Variants in NTNG1 observed in about 807,000 individuals in gnomAD.
NTNG1 encodes the protein netrin-G1.
In NTNG1, 16 loss-of-function variants were observed where a neutral mutation model predicts 54.0. The ratio of observed to expected loss-of-function variants is 0.30; its 90% CI spans 0.20 to 0.45. The LOEUF is 0.45. Ranked by LOEUF, NTNG1 falls within the 20% of genes least tolerant of loss-of-function variation. The pLI is 1.00. For missense variants in NTNG1, 530 were observed against 678.7 expected (o/e 0.78, Z 2.43); for synonymous variants, 255 against 263.1 (o/e 0.97, Z 0.30).
At chr1:107,249,172 A>AATAATG (rs1662406029) in intron 2 of NTNG1, among the ~76,000 whole-genome samples, 1 of 149,376 alleles carries the variant, frequency 6.7e-6, no homozygotes, top group Non-Finnish European at 1.5e-5. Context: ...TAATAATAAT[A>AATAATG]ATAATAATAA....
rs141546217 is a variant in NTNG1, at chr1:107,196,244, C to G, written c.246+47405C>G. The stretch of plus-strand genomic sequence containing the variant: ...CAGATGGACTTATGTTTAAACATAC[C>G]TCTTTTGACTACCAGCTCTTGATCT... On this transcript the variant is annotated intron_variant, in intron 2 of 7. Coordinates refer to ENST00000370068, the MANE Select transcript of NTNG1 (RefSeq NM_001113226.3). 7.1e-3 allele frequency among the ~76,000 whole-genome samples: 1,081 copies of G among 152,050 alleles called. 10 individuals carry two copies. Among genetic ancestry groups the G allele is most frequent in the African/African-American group, 0.024 (1,010 of 41,520 alleles).
At chr1:107,438,602 T>C (rs1675757227) in intron 7 of NTNG1, among the ~76,000 whole-genome samples, 1 of 152,046 alleles carries the variant, frequency 6.6e-6, no homozygotes, top group Admixed American at 6.6e-5. Flanking sequence ...AAGGAGACTT[T>C]GTAATTAAGA....
chr1:107,210,258 C>T (rs1401283238), intron 2 of NTNG1, among the ~76,000 whole-genome samples: 1 of 152,152 alleles, frequency 6.6e-6, no homozygotes, highest in Non-Finnish European at 1.5e-5. Flanking sequence ...AACTTTTTTA[C>T]TCAAGTTCAT....
At chr1:107,428,764 T>C (rs613615) in intron 5 of NTNG1, among the ~76,000 whole-genome samples, 144,187 of 152,148 alleles carry the variant, frequency 0.95, 68,694 homozygotes, top group East Asian at 1. Flanking sequence ...CTCTAGAAGC[T>C]TTTCTGACTC....
At chr1:107,392,495 C>G (rs962155399) in intron 3 of NTNG1, among the ~76,000 whole-genome samples, 1 of 151,902 alleles carries the variant, frequency 6.6e-6, no homozygotes, top group African/African-American at 2.4e-5. Context: ...TTCCTGAAAA[C>G]GAGCTTGGGT....
intron 3 of NTNG1, among the ~76,000 whole-genome samples, chr1:107,326,937 G>A (rs1667991201): frequency 6.6e-6 from 1 of 152,128 alleles, no homozygotes; most frequent in Non-Finnish European, 1.5e-5. Flanking sequence ...CCTAAAGGTG[G>A]TGTGTTGGAA....
chr1:107,473,526 C>A (rs986250781), intron 7 of NTNG1, among the ~76,000 whole-genome samples: 1 of 152,110 alleles, frequency 6.6e-6, no homozygotes, highest in Admixed American at 6.5e-5. Flanking sequence ...TCTCGTAAGT[C>A]ACATTTGACA....
chr1:107,198,498 A>T (rs1194756357), intron 2 of NTNG1, among the ~76,000 whole-genome samples: 1 of 151,982 alleles, frequency 6.6e-6, no homozygotes, highest in African/African-American at 2.4e-5. Flanking sequence ...ACAGGAAATC[A>T]AAGATTTTAA....
intron 2 of NTNG1, among the ~76,000 whole-genome samples, chr1:107,168,715 T>C (rs1655996448): frequency 6.6e-6 from 1 of 152,146 alleles, no homozygotes; most frequent in Non-Finnish European, 1.5e-5. Flanking sequence ...GGCTCAATCC[T>C]CCAAACTCAG....
chr1:107,170,067 T>G (rs1269280675), intron 2 of NTNG1, among the ~76,000 whole-genome samples: 3 of 152,154 alleles, frequency 2.0e-5, no homozygotes, highest in African/African-American at 7.2e-5. Context: ...CAACTGATTA[T>G]GGACTTAAAT....
intron 2 of NTNG1, among the ~76,000 whole-genome samples, chr1:107,205,356 A>G (rs1183459712): frequency 6.6e-6 from 1 of 152,146 alleles, no homozygotes; most frequent in Non-Finnish European, 1.5e-5. Context: ...GATGGGTCCA[A>G]GAAAAGTCAG....
chr1:107,164,864 G>A (rs375444150), intron 2 of NTNG1, among the ~76,000 whole-genome samples: 7 of 152,162 alleles, frequency 4.6e-5, no homozygotes, highest in African/African-American at 1.4e-4. Flanking sequence ...TGCAACTTGC[G>A]ACTGAATAAT....
intron 7 of NTNG1, among the ~76,000 whole-genome samples, chr1:107,477,640 T>C (rs1362460011): frequency 6.6e-6 from 1 of 152,248 alleles, no homozygotes; most frequent in Non-Finnish European, 1.5e-5. Flanking sequence ...CAATCTCTTT[T>C]TTATAATCTC....
chr1:107,281,083 C>G (rs1664828219), intron 2 of NTNG1, among the ~76,000 whole-genome samples: 1 of 152,074 alleles, frequency 6.6e-6, no homozygotes, highest in South Asian at 2.1e-4. Context: ...AACCTTCTTA[C>G]CTTCTCAACA....
chr1:107,214,859 G>C (rs1413202353), intron 2 of NTNG1, among the ~76,000 whole-genome samples: 2 of 150,436 alleles, frequency 1.3e-5, no homozygotes, highest in Non-Finnish European at 2.9e-5. Context: ...ATTGTGGTTT[G>C]ATTTACATTT....
At chr1:107,392,301 A>G (rs1672410800) in intron 3 of NTNG1, among the ~76,000 whole-genome samples, 1 of 152,022 alleles carries the variant, frequency 6.6e-6, no homozygotes, top group Non-Finnish European at 1.5e-5. Flanking sequence ...CTTCCTTTAA[A>G]TATATTTATT....
At chr1:107,329,093 G>A (rs1668122743) in intron 3 of NTNG1, 1 of 152,130 alleles carries the variant, frequency 6.6e-6, no homozygotes, top group South Asian at 2.1e-4. Flanking sequence ...GTAGTTGACT[G>A]CCATAATAGT....
intron 2 of NTNG1, among the ~76,000 whole-genome samples, chr1:107,167,448 C>A (rs1274883130): frequency 6.6e-6 from 1 of 151,540 alleles, no homozygotes; most frequent in Non-Finnish European, 1.5e-5. Flanking sequence ...ATACTAATAA[C>A]TTGTATAATT....
rs534334064 is a variant in NTNG1 at position 107,439,382 on chromosome 1, C to T, written c.1390+2583C>T. Among the ~76,000 whole-genome samples the T allele has an allele frequency of 2.2e-4, 33 of 150,998 alleles. No individual in the cohort carries two copies. In the South Asian group the frequency reaches 5.2e-3, roughly 24 times the overall value. ...ACTAGATTATGTGGTTTCATGAATC[C>T]CAAGCTAAGACATTTTATGTTGTCA... On this transcript the variant is annotated intron_variant, in intron 7 of 7. Coordinates refer to ENST00000370068, the MANE Select transcript of NTNG1 (RefSeq NM_001113226.3).
Sources: allele counts gnomAD v4.1 joint callset (sites outside exome capture counted in the v4.1 genomes callset), GRCh38; gene constraint gnomAD v4.1.1; transcripts MANE v1.5; gene names NCBI Gene and HGNC (gene_info 2026-07-23, HGNC 2026-07-21).